The following C2 variants were observed in gnomAD, a reference collection of about 807,000 sequenced individuals.
C2 encodes C3/C5 convertase.
C2 carries 64 observed loss-of-function variants against 85.2 expected under a neutral mutation model. That is an observed-to-expected ratio of 0.75 (90% CI 0.61 to 0.92). The LOEUF is 0.92. Ranked by LOEUF, C2 falls within the 40% of genes least tolerant of loss-of-function variation. The pLI is 0.00. For missense variants in C2, 820 were observed against 971.6 expected (o/e 0.84, Z 2.07); for synonymous variants, 311 against 370.8 (o/e 0.84, Z 1.85).
upstream of C2, chr6:31,927,567 C>T: frequency 6.5e-7 from 1 of 1,528,916 alleles, no homozygotes; most frequent in Non-Finnish European, 8.7e-7. This position sits in a 1 kb window ranked among gnomAD's most constrained non-coding sequence, Gnocchi z 4.7. Flanking sequence ...AGGTTTCACC[C>T]TTCAGTTCAG....
chr6:31,910,306 TCTC>T (rs1768005660), intron 1 of C2, among the ~76,000 whole-genome samples: 1 of 151,818 alleles, frequency 6.6e-6, no homozygotes, highest in African/African-American at 2.4e-5. Flanking sequence ...TTGTGTGTCT[TCTC>T]TGGAGAAATA....
chr6:31,923,147 T>C (rs1329167367), upstream of C2, among the ~76,000 whole-genome samples: 1 of 152,198 alleles, frequency 6.6e-6, no homozygotes, highest in Non-Finnish European at 1.5e-5. Context: ...TGGGGTCTAC[T>C]GAAAAGCTAA....
At chr6:31,916,594 TG>T (rs1768525495), upstream of C2, among the ~76,000 whole-genome samples, 1 of 148,914 alleles carries the variant, frequency 6.7e-6, no homozygotes, top group African/African-American at 2.5e-5. Flanking sequence ...ATGTCACTGT[TG>T]TGTGCAGTGG....
intron 1 of C2, among the ~76,000 whole-genome samples, chr6:31,914,357 C>T (rs1768338089): frequency 9.3e-6 from 1 of 107,332 alleles, no homozygotes; most frequent in Admixed American, 1.1e-4. Flanking sequence ...CTTTGGGAGG[C>T]CGAGGTGGGC....
chr6:31,901,476 T>G (rs1767262192), intron 1 of C2, among the ~76,000 whole-genome samples: 1 of 150,966 alleles, frequency 6.6e-6, no homozygotes, highest in Admixed American at 6.6e-5. Context: ...CCTGGGGAGG[T>G]GCTGTCCCTC....
chr6:31,934,932 C>T (rs1031326717), intron 6 of C2: 11 of 272,448 alleles, frequency 4.0e-5, no homozygotes, highest in Middle Eastern at 2.0e-3. Flanking sequence ...CGCTTGGATC[C>T]GGGAGGTGGA....
chr6:31,934,028 G>A (rs1388266632), intron 5 of C2, 63 bp downstream of exon 5: 41 of 1,556,032 alleles, frequency 2.6e-5, no homozygotes, highest in Non-Finnish European at 3.5e-5. Flanking sequence ...GAGCAAGGGA[G>A]GATGCAACCT....
At chr6:31,898,871 AGGGCTGGGGGT>A (rs1766929809), upstream of C2, among the ~76,000 whole-genome samples, 2 of 151,708 alleles carry the variant, frequency 1.3e-5, no homozygotes, top group African/African-American at 4.8e-5. Context: ...GAACTGGTGG[AGGGCTGGGGGT>A]GGGGACTTGG....
chr6:31,938,494 A>G (rs7383493), intron 8 of C2, among the ~76,000 whole-genome samples: 3 of 147,842 alleles, frequency 2.0e-5, no homozygotes, highest in Non-Finnish European at 4.5e-5. Context: ...ATATATATAT[A>G]TATATTTATT....
chr6:31,907,567 C>T (rs1002259151), intron 1 of C2, among the ~76,000 whole-genome samples: 2 of 108,268 alleles, frequency 1.8e-5, no homozygotes, highest in African/African-American at 7.7e-5. Flanking sequence ...TGGGTGATGG[C>T]GCAAGACCCT....
chr6:31,908,427 G>A (rs1318766603), intron 1 of C2, among the ~76,000 whole-genome samples: 14 of 151,500 alleles, frequency 9.2e-5, no homozygotes, highest in Admixed American at 4.6e-4. Flanking sequence ...TGAGGTGGGC[G>A]GATCACCTGA....
chr6:31,938,456 G>GTATATATATATATGTATACATACA, intron 8 of C2, among the ~76,000 whole-genome samples: 1 of 144,256 alleles, frequency 6.9e-6, no homozygotes, highest in African/African-American at 2.5e-5. Context: ...ATATATGTAT[G>GTATATATATATATGTATACATACA]TATATATATA....
chr6:31,916,558 C>CAAA (rs9279453), upstream of C2, among the ~76,000 whole-genome samples: 1 of 81,078 alleles, frequency 1.2e-5, no homozygotes, highest in Non-Finnish European at 2.4e-5. Flanking sequence ...GACTCCGTCT[C>CAAA]AAAAAAAAAA....
chr6:31,906,703 G>A (rs1767734801), intron 1 of C2, among the ~76,000 whole-genome samples: 1 of 151,770 alleles, frequency 6.6e-6, no homozygotes, highest in African/African-American at 2.4e-5. Flanking sequence ...GCCTGGATCA[G>A]GTTGTCCTCC....
At chr6:31,901,704 C>G (rs1464164259) in intron 1 of C2, 3 of 237,572 alleles carry the variant, frequency 1.3e-5, no homozygotes, top group Admixed American at 5.2e-5. Flanking sequence ...CCGCCCCCCC[C>G]TTACACGTTT....
In C2 at chr6:31,927,818, G is replaced by A; in HGVS notation, c.46+20G>A. The A allele has an allele frequency of 6.2e-7, 1 of 1,611,652 alleles. No homozygotes were observed. Among genetic ancestry groups the A allele is most frequent in the Non-Finnish European group, 8.5e-7 (1 of 1,177,796 alleles). On this transcript the variant is annotated intron_variant, in intron 1 of 17. Coordinates refer to ENST00000299367, the MANE Select transcript of C2 (RefSeq NM_000063.6). The surrounding 1 kb of genome is among the most constrained non-coding windows in gnomAD (Gnocchi z 4.7). ...ACCCAGGTAGGAGGCAGGGAAGGGG[G>A]AACGTCAGGGTCCTGTGTGTGAGGT...
At chr6:31,902,251 C>CA (rs1767391999) in intron 1 of C2, among the ~76,000 whole-genome samples, 1 of 151,790 alleles carries the variant, frequency 6.6e-6, no homozygotes, top group Non-Finnish European at 1.5e-5. Context: ...CTCGCTCCCC[C>CA]TCCTCTGTAC....
intron 3 of C2, 61 bp from the exon 4 acceptor site, chr6:31,933,549 G>A (rs1554280069): frequency 1.3e-6 from 2 of 1,584,348 alleles, no homozygotes; most frequent in South Asian, 2.2e-5. Flanking sequence ...TGAGGCCGCT[G>A]AGGAGGCAGA....
At chr6:31,919,121 T>TTTCTTTTCTC (rs1274101679), upstream of C2, among the ~76,000 whole-genome samples, 1 of 148,510 alleles carries the variant, frequency 6.7e-6, no homozygotes, top group African/African-American at 2.5e-5. Context: ...CAGTAGGGTA[T>TTTCTTTTCTC]TTCTTTTCTT....
Sources: allele counts gnomAD v4.1 joint callset (sites outside exome capture counted in the v4.1 genomes callset), GRCh38; gene constraint gnomAD v4.1.1; non-coding constraint Gnocchi (gnomAD v3.1); transcripts MANE v1.5; gene names NCBI Gene and HGNC (gene_info 2026-07-23, HGNC 2026-07-21).